The following WDR25 variants were observed in gnomAD, a reference collection of about 807,000 sequenced individuals.
WDR25 encodes the protein WD repeat-containing protein 25.
In WDR25, 35 loss-of-function variants were observed where a neutral mutation model predicts 47.7. The observed-to-expected ratio is 0.73, with a 90% confidence interval of 0.56 to 0.97. The LOEUF is 0.97. Ranked by LOEUF, WDR25 falls within the 50% of genes least tolerant of loss-of-function variation. The pLI, the probability that WDR25 is intolerant of heterozygous loss-of-function variation, is 0.00. For synonymous variants in WDR25, 248 were observed against 278.9 expected, an observed-to-expected ratio of 0.89 and a Z score of 1.10; for missense variants, 634 against 704.7, an observed-to-expected ratio of 0.90 and a Z score of 1.14.
intron 4 of WDR25, chr14:100,503,662 A>G (rs1034887674): frequency 6.6e-6 from 1 of 152,214 alleles, no homozygotes; most frequent in Admixed American, 6.5e-5. Flanking sequence ...CCCCGGCTTC[A>G]CTTACACATC....
rs151170037 is a variant in WDR25, at chr14:100,469,461, A to G, written c.970+1293A>G. On this transcript the variant is annotated intron_variant, in intron 3 of 6. Transcript: ENST00000402312. ...TTTAAAGGAGAGGAAACTGAGGCTC[A>G]GAGGGGCAAAGCAGCTTGCTCAGTG... is the stretch of plus-strand genomic sequence containing the variant. 6.3e-3 allele frequency among the ~76,000 whole-genome samples: 959 copies of G among 152,294 alleles called. 12 individuals are homozygous for G. Among genetic ancestry groups the G allele is most frequent in the African/African-American group, 0.022 (919 of 41,556 alleles).
intron 2 of WDR25, among the ~76,000 whole-genome samples, chr14:100,461,906 T>C (rs1045720764): frequency 2.3e-3 from 1 of 432 alleles, no homozygotes; most frequent in African/African-American, 0.025. Flanking sequence ...ATTTTTCTGT[T>C]TTTTTTTGTT....
chr14:100,474,972 GAGCAAAGGATCTGAACAGACTTTTCT>G (rs1260233330), intron 3 of WDR25, among the ~76,000 whole-genome samples: 1 of 152,176 alleles, frequency 6.6e-6, no homozygotes, highest in East Asian at 1.9e-4. Flanking sequence ...TTTTTAAAAT[GAGCAAAGGATCTGAACAGACTTTTCT>G]CAAAAGAAGA....
At chr14:100,528,979 TAGGGTCTG>T (rs2030328515) in intron 5 of WDR25, 81 bp from the exon 6 acceptor site, 14 of 1,446,234 alleles carry the variant, frequency 9.7e-6, no homozygotes, top group African/African-American at 1.4e-5. Flanking sequence ...GACACCCAGC[TAGGGTCTG>T]GGAGCAGGCC....
intron 4 of WDR25, among the ~76,000 whole-genome samples, chr14:100,515,477 G>A (rs1261920579): frequency 6.6e-6 from 1 of 151,796 alleles, no homozygotes; most frequent in Non-Finnish European, 1.5e-5. Flanking sequence ...TCTATTAATA[G>A]CGGGGCATTG....
At chr14:100,485,516 A>G (rs561989593) in intron 4 of WDR25, among the ~76,000 whole-genome samples, 8 of 152,188 alleles carry the variant, frequency 5.3e-5, no homozygotes, top group Non-Finnish European at 1.2e-4. Context: ...AGGAGGTGGG[A>G]ACACAGGATG....
chr14:100,497,501 A>G (rs1301846194), intron 4 of WDR25, among the ~76,000 whole-genome samples: 2 of 152,022 alleles, frequency 1.3e-5, no homozygotes, highest in Non-Finnish European at 2.9e-5. Context: ...ACAAACAAAC[A>G]AAAAAAGAAA....
At chr14:100,522,554 C>T (rs1389127222) in intron 4 of WDR25, among the ~76,000 whole-genome samples, 3 of 152,172 alleles carry the variant, frequency 2.0e-5, no homozygotes, top group Non-Finnish European at 4.4e-5. Context: ...TGCCCAAGAA[C>T]TCACAGCTCC....
intron 2 of WDR25, among the ~76,000 whole-genome samples, chr14:100,453,628 C>T (rs904935198): frequency 6.6e-6 from 1 of 152,228 alleles, no homozygotes; most frequent in African/African-American, 2.4e-5. Flanking sequence ...AAAAGGTGCA[C>T]TGGCTCCTCC....
rs1276132872 is a variant in WDR25 at position 100,488,455 on chromosome 14, C to G, written c.1101+4331C>G. Among the ~76,000 whole-genome samples the G allele has an allele frequency of 2.0e-5, 3 of 152,148 alleles. No individual in the cohort carries two copies. Among genetic ancestry groups the G allele is most frequent in the African/African-American group, 7.2e-5 (3 of 41,436 alleles). On this transcript the variant is annotated intron_variant, in intron 4 of 6. Transcript: ENST00000402312. The surrounding 1 kb of genome is among the most constrained non-coding windows in gnomAD (Gnocchi z 4.2). Reference sequence around the variant, plus strand: ...GACCTGGGCTCACGTCCTCCCTCTGCTACTTGCTTGGCTGGGTGATTTCGG... The same window carrying G: ...GACCTGGGCTCACGTCCTCCCTCTGGTACTTGCTTGGCTGGGTGATTTCGG...
chr14:100,525,850 AC>A lies in WDR25; in HGVS notation c.1102-18del, dbSNP rs762299241. The A allele has an allele frequency of 4.3e-6, 7 of 1,610,742 alleles. No homozygotes were observed. In the Admixed American group the frequency reaches 6.7e-5, roughly 15 times the overall value. On this transcript the variant is annotated intron_variant, in intron 4 of 6. Transcript: ENST00000402312. This position sits in a 1 kb window ranked among gnomAD's most constrained non-coding sequence, Gnocchi z 4.6. Reference sequence around the variant, plus strand: ...CCGTGCTGCCAGGCCTGCCAGCATGACCGGTGTCCGCTCTTGCAGGTGATGA... The same window carrying A: ...CCGTGCTGCCAGGCCTGCCAGCATGACGGTGTCCGCTCTTGCAGGTGATGA...
At position 100,430,801 on chromosome 14, in the gene WDR25, G is replaced by C. The variant is rs1898309810; in HGVS notation, c.823-37220G>C. On this transcript the variant is annotated intron_variant, in intron 2 of 6. Coordinates refer to ENST00000402312, the MANE Select transcript of WDR25 (RefSeq NM_001161476.3). The surrounding 1 kb of genome is among the most constrained non-coding windows in gnomAD (Gnocchi z 4.7). ...AGGCTTGCTTCGTGCTCCCCAGCCT[G>C]GCAACGTGGACATTTCTGGCTGTCG... Among the ~76,000 whole-genome samples, 1 of 152,170 alleles carries C rather than the reference G, an allele frequency of 6.6e-6. No individual in the cohort carries two copies. Among genetic ancestry groups the C allele is most frequent in the Non-Finnish European group, 1.5e-5 (1 of 68,038 alleles).
intron 2 of WDR25, among the ~76,000 whole-genome samples, chr14:100,395,496 G>C (rs1199125848): frequency 1.3e-5 from 2 of 152,204 alleles, no homozygotes; most frequent in African/African-American, 4.8e-5. Flanking sequence ...GCGTATTGAA[G>C]GACATGTAGC....
At chr14:100,390,424 T>TGTGTGC (rs1490326358) in intron 2 of WDR25, among the ~76,000 whole-genome samples, 3 of 144,828 alleles carry the variant, frequency 2.1e-5, no homozygotes, top group East Asian at 2.1e-4. Context: ...TGTGTGTGTG[T>TGTGTGC]GTGCATGCAC....
At position 100,392,595 on chromosome 14, in the gene WDR25, T is replaced by C. The variant is rs1897169094; in HGVS notation, c.822+10849T>C. Among the ~76,000 whole-genome samples, 1 of 152,108 alleles carries C rather than the reference T, an allele frequency of 6.6e-6. No homozygotes were observed. The highest frequency in any genetic ancestry group is 2.4e-5 in the African/African-American group (1 of 41,406). On this transcript the variant is annotated intron_variant, in intron 2 of 6. Coordinates refer to ENST00000402312, the MANE Select transcript of WDR25 (RefSeq NM_001161476.3). The surrounding 1 kb of genome is among the most constrained non-coding windows in gnomAD (Gnocchi z 4.2). ...ATTTCTGGTCCATACGGGCTGTGTT[T>C]GTCAGAGTGTGCGTGCAGCTCTGCA...
chr14:100,450,914 G>A (rs1321958094), intron 2 of WDR25, among the ~76,000 whole-genome samples: 1 of 152,184 alleles, frequency 6.6e-6, no homozygotes, highest in African/African-American at 2.4e-5. Context: ...TACAGGTGGG[G>A]CAGGTGTGAA....
intron 4 of WDR25, among the ~76,000 whole-genome samples, chr14:100,517,359 A>ACTTG (rs1046624464): frequency 1.3e-5 from 2 of 150,322 alleles, no homozygotes; most frequent in Non-Finnish European, 3.0e-5. Flanking sequence ...TTTTTATTCC[A>ACTTG]CTTGCTCTTT....
At chr14:100,457,700 C>T (rs887216849) in intron 2 of WDR25, among the ~76,000 whole-genome samples, 6 of 152,100 alleles carry the variant, frequency 3.9e-5, no homozygotes, top group Admixed American at 3.3e-4. Flanking sequence ...AAATCACTTT[C>T]AATGATGATT....
chr14:100,463,941 G>T (rs1243302442), intron 2 of WDR25, among the ~76,000 whole-genome samples: 1 of 152,076 alleles, frequency 6.6e-6, no homozygotes, highest in African/African-American at 2.4e-5. Context: ...TCTCTCCCTG[G>T]ATTCTTGCAG....
Sources: gnomAD v4.1 joint callset for allele counts (sites outside exome capture counted in the v4.1 genomes callset) on GRCh38, gnomAD v4.1.1 for gene constraint, Gnocchi (gnomAD v3.1) non-coding constraint, MANE v1.5 for transcripts, NCBI Gene and HGNC (gene_info 2026-07-23, HGNC 2026-07-21) for gene names.